Variants in PSME3IP1 observed in about 807,000 individuals in gnomAD.
PSME3IP1 encodes PSME3-interacting protein.
In PSME3IP1, 13 loss-of-function variants were observed where a neutral mutation model predicts 34.1. The observed-to-expected ratio is 0.38, with a 90% CI of 0.25 to 0.61. PSME3IP1 has a LOEUF of 0.61. PSME3IP1 is among the 20% of genes least tolerant of loss of function. The pLI is 0.60. For missense variants in PSME3IP1, 237 were observed against 301.4 expected (o/e 0.79, Z 1.58); for synonymous variants, 93 against 114.3 (o/e 0.81, Z 1.19).
intron 6 of PSME3IP1, among the ~76,000 whole-genome samples, chr16:57,161,436 A>T (rs1365089882): frequency 1.3e-5 from 2 of 152,008 alleles, no homozygotes; most frequent in Non-Finnish European, 2.9e-5. Flanking sequence ...TGGTATGTGA[A>T]TTATACCTCA....
At chr16:57,159,596 C>T (rs887172322) in intron 6 of PSME3IP1, among the ~76,000 whole-genome samples, 4 of 152,156 alleles carry the variant, frequency 2.6e-5, no homozygotes, top group African/African-American at 9.7e-5. Flanking sequence ...AGGGCTGAAG[C>T]AAGCTTCAGG....
chr16:57,163,021 C>T (rs536894206), intron 6 of PSME3IP1, among the ~76,000 whole-genome samples: 38 of 152,094 alleles, frequency 2.5e-4, no homozygotes, highest in African/African-American at 8.9e-4. Flanking sequence ...AAAAATTAGC[C>T]AGGTGTGGTG....
intron 1 of PSME3IP1, 191 bp downstream of exon 1, chr16:57,185,629 TC>T (rs1204717654): frequency 1.0e-6 from 1 of 985,284 alleles, no homozygotes; most frequent in African/African-American, 1.7e-5. Flanking sequence ...CCAGATGCCT[TC>T]CCGCGGGCAC....
At chr16:57,176,802 C>T (rs1161172284) in intron 1 of PSME3IP1, among the ~76,000 whole-genome samples, 4 of 152,032 alleles carry the variant, frequency 2.6e-5, no homozygotes, top group East Asian at 1.9e-4. Flanking sequence ...TACTAGGATA[C>T]GGCAATGCCA....
At chr16:57,160,087 G>A (rs2071040941) in intron 6 of PSME3IP1, among the ~76,000 whole-genome samples, 1 of 151,996 alleles carries the variant, frequency 6.6e-6, no homozygotes, top group Non-Finnish European at 1.5e-5. Flanking sequence ...TCAGGAGATC[G>A]AGACCATCCT....
intron 1 of PSME3IP1, chr16:57,174,937 T>C (rs1314667992): frequency 6.6e-6 from 1 of 152,612 alleles, no homozygotes; most frequent in East Asian, 1.9e-4. Context: ...GATTACCGAA[T>C]CTGTTATTTC....
At chr16:57,170,975 A>C (rs2072505242) in intron 4 of PSME3IP1, among the ~76,000 whole-genome samples, 1 of 152,162 alleles carries the variant, frequency 6.6e-6, no homozygotes, top group Admixed American at 6.5e-5. Context: ...TGGGAGGCTG[A>C]GACAGGAGAA....
intron 4 of PSME3IP1, among the ~76,000 whole-genome samples, chr16:57,170,334 C>T (rs2072421371): frequency 6.6e-6 from 1 of 152,144 alleles, no homozygotes; most frequent in Non-Finnish European, 1.5e-5. Context: ...CCTCCTGCCT[C>T]GGCCTCCCAA....
intron 1 of PSME3IP1, among the ~76,000 whole-genome samples, chr16:57,182,612 A>AT (rs550199855): frequency 0.17 from 17,963 of 105,184 alleles, 2,090 homozygotes; most frequent in East Asian, 0.28. Flanking sequence ...GCCAACTAAG[A>AT]TTTTTTTTTT....
chr16:57,165,204 G>C (rs1261099124), intron 5 of PSME3IP1, among the ~76,000 whole-genome samples: 1 of 151,720 alleles, frequency 6.6e-6, no homozygotes. Flanking sequence ...GTGTGGCGAG[G>C]GGGAAGGCTT....
chr16:57,172,083 T>G (rs568077473), intron 4 of PSME3IP1, among the ~76,000 whole-genome samples, 168 bp downstream of exon 4: 1 of 152,118 alleles, frequency 6.6e-6, no homozygotes, highest in African/African-American at 2.4e-5. Flanking sequence ...CAACACAAAC[T>G]CCACAAACCA....
chr16:57,183,433 A>T (rs1304834719), intron 1 of PSME3IP1, among the ~76,000 whole-genome samples: 1 of 152,142 alleles, frequency 6.6e-6, no homozygotes, highest in Non-Finnish European at 1.5e-5. Context: ...CCCAGGTTCA[A>T]GCGATTCTCC....
chr16:57,160,811 G>T (rs1264525012), intron 6 of PSME3IP1, among the ~76,000 whole-genome samples: 1 of 152,102 alleles, frequency 6.6e-6, no homozygotes, highest in Non-Finnish European at 1.5e-5. Context: ...AACAATGAAA[G>T]TATGAAAACA....
chr16:57,185,690 C>G (rs114663500), intron 1 of PSME3IP1, 131 bp downstream of exon 1: 19 of 985,508 alleles, frequency 1.9e-5, no homozygotes, highest in Non-Finnish European at 2.3e-5. Context: ...TCGGCTACTC[C>G]GGACAAGGAG....
chr16:57,157,914 C>G (rs1471389929), intron 6 of PSME3IP1, among the ~76,000 whole-genome samples: 1 of 152,148 alleles, frequency 6.6e-6, no homozygotes, highest in Non-Finnish European at 1.5e-5. Flanking sequence ...CCAAGAGCAT[C>G]CCAGTATTAA....
intron 5 of PSME3IP1, among the ~76,000 whole-genome samples, chr16:57,166,195 T>A (rs1244135956): frequency 6.6e-6 from 1 of 152,216 alleles, no homozygotes; most frequent in East Asian, 1.9e-4. Flanking sequence ...ATATGGCTGG[T>A]TGCCAATATA....
Position 57,185,764 on chromosome 16 carries a change from C to A in PSME3IP1, c.-16+57G>T, listed in dbSNP as rs372183285. On this transcript the variant is annotated intron_variant, in intron 1 of 6. Transcript: ENST00000309137. ...AACAGCAGCCGCAGCTCATCTCTTC[C>A]GTAAGGAAGCTGGAACCCAGGTGTC... 3 of 985,480 alleles carry A rather than the reference C, an allele frequency of 3.0e-6. No homozygotes were observed. In the African/African-American group the frequency reaches 5.2e-5, roughly 17 times the overall value. 61.0% of individuals were successfully genotyped at this position (985,480 alleles called of 1,614,324 possible). A position where few individuals can be genotyped will look rare whatever the true frequency, so the allele number is the denominator to read the frequency against.
intron 1 of PSME3IP1, among the ~76,000 whole-genome samples, chr16:57,184,509 C>T (rs2073994843): frequency 6.6e-6 from 1 of 151,994 alleles, no homozygotes; most frequent in Non-Finnish European, 1.5e-5. Context: ...AAGAGTGAAA[C>T]ATAATATTTA....
At chr16:57,167,014 T>C in intron 5 of PSME3IP1, 79 bp downstream of exon 5, 1 of 1,547,694 alleles carries the variant, frequency 6.5e-7, no homozygotes, top group Non-Finnish European at 8.8e-7. Flanking sequence ...AGGCAAGCGT[T>C]GGCTCTGGCT....
Sources: gnomAD v4.1 joint callset for allele counts (sites outside exome capture counted in the v4.1 genomes callset) on GRCh38, gnomAD v4.1.1 for gene constraint, MANE v1.5 for transcripts, NCBI Gene and HGNC (gene_info 2026-07-23, HGNC 2026-07-21) for gene names.